SEC61A2: variants seen among roughly 807,000 people sequenced by gnomAD.
SEC61A2 encodes the protein protein transport protein Sec61 subunit alpha isoform 2.
SEC61A2 carries 28 observed loss-of-function variants against 59.9 expected under a neutral mutation model. That is an observed-to-expected ratio of 0.47 (90% CI 0.35 to 0.64). SEC61A2 has a LOEUF of 0.64. Ranked by LOEUF, SEC61A2 falls within the 30% of genes least tolerant of loss-of-function variation. SEC61A2 has a pLI of 0.01. For synonymous variants in SEC61A2, 202 were observed against 214.4 expected (o/e 0.94, Z 0.50); for missense variants, 340 against 585.9 (o/e 0.58, Z 4.33).
At chr10:12,167,968 T>G, downstream of SEC61A2, 1 of 1,308,334 alleles carries the variant, frequency 7.6e-7, no homozygotes, top group Non-Finnish European at 1.0e-6. Context: ...TCTTAAAGAA[T>G]AAAGACTATA....
At chr10:12,134,918 C>CAA (rs1332557081) in intron 2 of SEC61A2, among the ~76,000 whole-genome samples, 199 of 83,468 alleles carry the variant, frequency 2.4e-3, no homozygotes, top group African/African-American at 8.3e-3. Flanking sequence ...GACTCTGTCT[C>CAA]AAAAAAAAAA....
intron 11 of SEC61A2, among the ~76,000 whole-genome samples, chr10:12,163,312 CTTTTTTTTTTTTT>C (rs3060465): frequency 5.8e-5 from 4 of 68,584 alleles, no homozygotes; most frequent in African/African-American, 1.3e-4. Context: ...GGCCAGCTAG[CTTTTTTTTTTTTT>C]TTTTTTTTTT....
At chr10:12,137,883 G>A (rs1166416359) in intron 3 of SEC61A2, among the ~76,000 whole-genome samples, 1 of 152,070 alleles carries the variant, frequency 6.6e-6, no homozygotes, top group Non-Finnish European at 1.5e-5. Context: ...GCGTGCACAT[G>A]TAATCCCAGC....
rs1834622584 is a variant in SEC61A2, at chr10:12,164,661, T to G, written c.*207T>G. 2 of 1,361,548 alleles carry G rather than the reference T, an allele frequency of 1.5e-6. No individual in the cohort carries two copies. The highest frequency in any genetic ancestry group is 1.9e-6 in the Non-Finnish European group (2 of 1,063,566). The allele number at this position is 1,361,548 out of a possible 1,614,324, so 84.3% of individuals were successfully genotyped here. On this transcript the variant is annotated 3_prime_UTR_variant, in exon 12 of 12. Coordinates refer to ENST00000298428, the MANE Select transcript of SEC61A2 (RefSeq NM_018144.4). This position sits in a 1 kb window ranked among gnomAD's most constrained non-coding sequence, Gnocchi z 7.3. ...TAAAACTCAAGTTTACATTATTCAT[T>G]AAAAAAAGTACATCTAGTGTTGCCT...
Position 12,155,401 on chromosome 10 carries a change from T to G in SEC61A2, c.463-377T>G. 1 of 1,464,242 alleles carries G rather than the reference T, an allele frequency of 6.8e-7. No individual in the cohort carries two copies. The highest frequency in any genetic ancestry group is 9.2e-7 in the Non-Finnish European group (1 of 1,089,160). The allele number at this position is 1,464,242 out of a possible 1,614,324, so 90.7% of individuals were successfully genotyped here. On this transcript the variant is annotated intron_variant, in intron 6 of 11. Transcript: ENST00000298428. The surrounding 1 kb of genome is among the most constrained non-coding windows in gnomAD (Gnocchi z 4.3). ...GAATTCATCTGACTTTTTACTTCCTTGGAGGTATTTGGGATGTTTTCAGTT... is the reference window on the plus strand; with the variant it reads ...GAATTCATCTGACTTTTTACTTCCTGGGAGGTATTTGGGATGTTTTCAGTT...
chr10:12,148,682 G>C (rs1834203450), intron 4 of SEC61A2, among the ~76,000 whole-genome samples: 1 of 151,912 alleles, frequency 6.6e-6, no homozygotes, highest in Non-Finnish European at 1.5e-5. Context: ...TGGGACTACA[G>C]GCGCACGCCA....
rs562809883 is a variant in SEC61A2, at chr10:12,161,468, C to T, written c.1167+347C>T. Reference sequence around the variant, plus strand: ...TCTCAAAAAAATAAAAAAGGCCAGGCGCAGTGGTTCACGCCTGTAATCCCA... The same window carrying T: ...TCTCAAAAAAATAAAAAAGGCCAGGTGCAGTGGTTCACGCCTGTAATCCCA... On this transcript the variant is annotated intron_variant, in intron 10 of 11. Coordinates refer to ENST00000298428, the MANE Select transcript of SEC61A2 (RefSeq NM_018144.4). This position sits in a 1 kb window ranked among gnomAD's most constrained non-coding sequence, Gnocchi z 5.4. 2.6e-5 allele frequency among the ~76,000 whole-genome samples: 4 copies of T among 152,094 alleles called. No individual in the cohort carries two copies. The highest frequency in any genetic ancestry group is 7.2e-5 in the African/African-American group (3 of 41,478).
downstream of SEC61A2, chr10:12,167,769 T>C (rs1834740772): frequency 9.9e-6 from 16 of 1,614,204 alleles, no homozygotes; most frequent in Non-Finnish European, 1.4e-5. Context: ...AGCGTAGGAA[T>C]AGACCCTGGC....
chr10:12,130,698 G>T (rs1475452427), intron 1 of SEC61A2: 1 of 154,360 alleles, frequency 6.5e-6, no homozygotes, highest in African/African-American at 2.4e-5. Flanking sequence ...CTTGTTTCGC[G>T]TTAGCAATGA....
Position 12,141,529 on chromosome 10 carries a change from A to C in SEC61A2, c.142-1588A>C, listed in dbSNP as rs564537269. Among the ~76,000 whole-genome samples the C allele has an allele frequency of 1.5e-4, 23 of 152,258 alleles. No homozygotes were observed. In the South Asian group the frequency reaches 3.9e-3, roughly 26 times the overall value. ...TTGTTTTTTGTTGTTGTTTTAATGA[A>C]AAGTTAATGTCCTCATTATGGAAAA... On this transcript the variant is annotated intron_variant, in intron 3 of 11. Coordinates refer to ENST00000298428, the MANE Select transcript of SEC61A2 (RefSeq NM_018144.4).
chr10:12,156,996 CG>C lies in SEC61A2; in HGVS notation c.708del (p.Gln237ArgfsTer7). 1 of 1,614,046 alleles carries C rather than the reference CG, an allele frequency of 6.2e-7. No homozygotes were observed. Among genetic ancestry groups the C allele is most frequent in the South Asian group, 1.1e-5 (1 of 91,078 alleles). ...CCGAGCTTTACGGGAGGCTTTTTAT[CG>C]GCAGAACTTACCCAATCTCATGAAC... ...KVRALREAFY[R>X]QNLPNLMNLI... On this transcript the variant is annotated frameshift_variant, in exon 8 of 12. Transcript: ENST00000298428. LOFTEE classifies it high-confidence loss of function. The surrounding 1 kb of genome is among the most constrained non-coding windows in gnomAD (Gnocchi z 5.2).
intron 3 of SEC61A2, among the ~76,000 whole-genome samples, chr10:12,137,218 C>T (rs1564407514): frequency 6.6e-6 from 1 of 152,126 alleles, no homozygotes; most frequent in South Asian, 2.1e-4. Flanking sequence ...TTTTTCAATT[C>T]TTTTGCAGGG....
rs1465326337 is a variant in SEC61A2 at position 12,153,261 on chromosome 10, AG to A, written c.463-2515del. Reference sequence around the variant, plus strand: ...TTTAGGCATTGTTGAGGTTATGGACAGGCCAATTGTTGCCTTCAGTTTTGTT... The same window carrying A: ...TTTAGGCATTGTTGAGGTTATGGACAGCCAATTGTTGCCTTCAGTTTTGTT... On this transcript the variant is annotated intron_variant, in intron 6 of 11. Coordinates refer to ENST00000298428, the MANE Select transcript of SEC61A2 (RefSeq NM_018144.4). This position sits in a 1 kb window ranked among gnomAD's most constrained non-coding sequence, Gnocchi z 5.2. Among the ~76,000 whole-genome samples the A allele has an allele frequency of 6.6e-6, 1 of 152,292 alleles. No individual in the cohort carries two copies. Among genetic ancestry groups the A allele is most frequent in the East Asian group, 1.9e-4 (1 of 5,184 alleles).
chr10:12,163,569 G>A (rs1242266470), intron 11 of SEC61A2, among the ~76,000 whole-genome samples: 1 of 151,866 alleles, frequency 6.6e-6, no homozygotes, highest in Non-Finnish European at 1.5e-5. Flanking sequence ...TCATCCACCC[G>A]CCTTGGCCTC....
Position 12,153,740 on chromosome 10 carries a change from G to T in SEC61A2, c.463-2038G>T. 4.3e-6 allele frequency: 7 copies of T among 1,611,636 alleles called. No individual in the cohort carries two copies. The highest frequency in any genetic ancestry group is 5.9e-6 in the Non-Finnish European group (7 of 1,179,406). On this transcript the variant is annotated intron_variant, in intron 6 of 11. Coordinates refer to ENST00000298428, the MANE Select transcript of SEC61A2 (RefSeq NM_018144.4). This position sits in a 1 kb window ranked among gnomAD's most constrained non-coding sequence, Gnocchi z 5.2. ...TGACCCATTGGTGTCTTTTCAAGGC[G>T]TTACTAACATTGAAAATATGTGGAT...
At chr10:12,165,942 T>G (rs904794478), downstream of SEC61A2, 1 of 152,228 alleles carries the variant, frequency 6.6e-6, no homozygotes, top group Admixed American at 6.5e-5. Flanking sequence ...GGTGGAAATA[T>G]GGCTTTTAAT....
chr10:12,147,676 C>CT, intron 4 of SEC61A2, among the ~76,000 whole-genome samples: 1 of 143,890 alleles, frequency 6.9e-6, no homozygotes, highest in East Asian at 2.0e-4. Context: ...CAGTGAGACT[C>CT]TGTCTAAAAA....
In SEC61A2 at chr10:12,160,436, A is replaced by G. The variant is rs1466106158; in HGVS notation, c.976-494A>G. Reference sequence around the variant, plus strand: ...TAAGTATATAGATAAAAATCCAATTATTATATTTATTAAAAGATTGCTCCT... The same window carrying G: ...TAAGTATATAGATAAAAATCCAATTGTTATATTTATTAAAAGATTGCTCCT... On this transcript the variant is annotated intron_variant, in intron 9 of 11. Transcript: ENST00000298428. This position sits in a 1 kb window ranked among gnomAD's most constrained non-coding sequence, Gnocchi z 4.1. Among the ~76,000 whole-genome samples, 7 of 152,212 alleles carry G rather than the reference A, an allele frequency of 4.6e-5. No homozygotes were observed. Among genetic ancestry groups the G allele is most frequent in the Non-Finnish European group, 7.3e-5 (5 of 68,036 alleles).
At chr10:12,157,103 T>C in intron 8 of SEC61A2, 36 bp downstream of exon 8, 1 of 1,587,104 alleles carries the variant, frequency 6.3e-7, no homozygotes, top group Admixed American at 1.8e-5. Context: ...AAGTGGGATG[T>C]AGATTTTTAT....
Sources: allele counts gnomAD v4.1 joint callset (sites outside exome capture counted in the v4.1 genomes callset), GRCh38; gene constraint gnomAD v4.1.1; non-coding constraint Gnocchi (gnomAD v3.1); transcripts MANE v1.5; gene names NCBI Gene and HGNC (gene_info 2026-07-23, HGNC 2026-07-21).